The following PPP2R2B variants were observed in gnomAD, a reference collection of about 807,000 sequenced individuals.
PPP2R2B encodes serine/threonine-protein phosphatase 2A 55 kDa regulatory subunit B beta isoform.
A neutral mutation model predicts 46.0 loss-of-function variants in PPP2R2B; 5 were observed. The observed-to-expected ratio is 0.11, with a 90% confidence interval of 0.06 to 0.23. PPP2R2B has a LOEUF of 0.23. PPP2R2B is among the 10% of genes least tolerant of loss of function. The pLI, the probability that PPP2R2B is intolerant of heterozygous loss-of-function variation, is 1.00. For synonymous variants in PPP2R2B, 215 were observed against 206.7 expected, an observed-to-expected ratio of 1.04 and a Z score of -0.34; for missense variants, 367 against 575.0, an observed-to-expected ratio of 0.64 and a Z score of 3.70.
chr5:146,620,435 A>T (rs534678957), intron 7 of PPP2R2B, among the ~76,000 whole-genome samples: 1 of 152,318 alleles, frequency 6.6e-6, no homozygotes, highest in East Asian at 1.9e-4. Flanking sequence ...AGGCAGCCGT[A>T]AGGGAGGCGG....
intron 1 of PPP2R2B, among the ~76,000 whole-genome samples, chr5:147,027,133 T>G (rs979840162): frequency 3.3e-5 from 5 of 152,154 alleles, no homozygotes; most frequent in African/African-American, 1.2e-4. Flanking sequence ...TGCAATAACA[T>G]GGATGAATCA....
chr5:147,025,235 C>A (rs1336976908), intron 1 of PPP2R2B, among the ~76,000 whole-genome samples: 2 of 151,928 alleles, frequency 1.3e-5, no homozygotes, highest in East Asian at 1.9e-4. Context: ...TGTAAAGAAT[C>A]TGAAAATTCC....
intron 2 of PPP2R2B, among the ~76,000 whole-genome samples, chr5:146,744,113 A>G (rs139971139): frequency 2.0e-5 from 3 of 152,260 alleles, no homozygotes; most frequent in Non-Finnish European, 4.4e-5. Context: ...TTTAAAGTAC[A>G]TAGATGCTTG....
chr5:146,764,460 G>A (rs115794361), intron 2 of PPP2R2B, among the ~76,000 whole-genome samples: 157 of 152,234 alleles, frequency 1.0e-3, no homozygotes, highest in Non-Finnish European at 1.9e-3. Flanking sequence ...TCTTCTGGAT[G>A]GCTCAAGTCA....
chr5:146,798,314 A>C (rs1756665140), intron 2 of PPP2R2B, among the ~76,000 whole-genome samples: 1 of 152,146 alleles, frequency 6.6e-6, no homozygotes, highest in Non-Finnish European at 1.5e-5. Flanking sequence ...AGCCTGCCTT[A>C]ACCCTGACTT....
chr5:146,843,423 T>C (rs998562096), intron 2 of PPP2R2B, among the ~76,000 whole-genome samples: 1 of 152,012 alleles, frequency 6.6e-6, no homozygotes, highest in Non-Finnish European at 1.5e-5. Context: ...AGTGATAGAG[T>C]AGATAAGGTT....
intron 1 of PPP2R2B, among the ~76,000 whole-genome samples, chr5:147,040,212 A>G (rs891432764): frequency 1.3e-5 from 2 of 152,106 alleles, no homozygotes; most frequent in Non-Finnish European, 2.9e-5. Flanking sequence ...CTATGCTATG[A>G]CCTGATAATG....
chr5:146,812,059 A>G (rs1757585997), intron 2 of PPP2R2B, among the ~76,000 whole-genome samples: 1 of 152,066 alleles, frequency 6.6e-6, no homozygotes, highest in Non-Finnish European at 1.5e-5. Context: ...GGCATGCTAC[A>G]GGGAACTGGG....
chr5:146,799,580 G>T (rs1464750735), intron 2 of PPP2R2B, among the ~76,000 whole-genome samples: 1 of 152,190 alleles, frequency 6.6e-6, no homozygotes, highest in Non-Finnish European at 1.5e-5. Flanking sequence ...TGGGTTAAAA[G>T]TGCTGCAACC....
chr5:146,835,092 T>C (rs1212507072), intron 2 of PPP2R2B, among the ~76,000 whole-genome samples: 1 of 152,110 alleles, frequency 6.6e-6, no homozygotes, highest in Non-Finnish European at 1.5e-5. Flanking sequence ...AACAAACAGG[T>C]GCATGGATTG....
At chr5:147,068,534 T>A (rs1312270849) in intron 2 of PPP2R2B, among the ~76,000 whole-genome samples, 3 of 152,334 alleles carry the variant, frequency 2.0e-5, no homozygotes, top group African/African-American at 7.2e-5. Flanking sequence ...TTGTTATTTA[T>A]TTTTTCTGTT....
chr5:146,797,982 G>T (rs969131307), intron 2 of PPP2R2B, among the ~76,000 whole-genome samples: 3 of 152,134 alleles, frequency 2.0e-5, no homozygotes, highest in Admixed American at 6.6e-5. Context: ...CTGAGAAATA[G>T]ACAAACAAAC....
At chr5:146,819,846 C>A (rs1434384226) in intron 2 of PPP2R2B, among the ~76,000 whole-genome samples, 2 of 151,986 alleles carry the variant, frequency 1.3e-5, no homozygotes, top group East Asian at 3.9e-4. Context: ...TTCACAATAG[C>A]CAAGATAAGA....
intron 2 of PPP2R2B, among the ~76,000 whole-genome samples, chr5:146,749,397 G>A (rs1188087831): frequency 6.6e-6 from 1 of 152,068 alleles, no homozygotes; most frequent in African/African-American, 2.4e-5. Context: ...TAATTGTGAT[G>A]AGGTTCAATT....
At chr5:146,961,546 CT>C (rs1395555324) in intron 1 of PPP2R2B, among the ~76,000 whole-genome samples, 1 of 152,174 alleles carries the variant, frequency 6.6e-6, no homozygotes, top group Non-Finnish European at 1.5e-5. Context: ...CCTTTAATTA[CT>C]AGGAAGCTTG....
intron 1 of PPP2R2B, among the ~76,000 whole-genome samples, chr5:146,933,489 G>GA (rs879620426): frequency 2.6e-5 from 4 of 151,658 alleles, no homozygotes; most frequent in Admixed American, 6.6e-5. Flanking sequence ...TGATTCTTGA[G>GA]AAAAAAACAA....
intron 2 of PPP2R2B, among the ~76,000 whole-genome samples, chr5:146,785,058 A>G (rs992210458): frequency 3.3e-5 from 5 of 152,254 alleles, no homozygotes; most frequent in African/African-American, 1.2e-4. Context: ...CAATAAATAA[A>G]AAGTAAATTG....
rs1751703710 is a variant in PPP2R2B, at chr5:146,724,238, T to G, written c.71-23096A>C. On this transcript the variant is annotated intron_variant, in intron 2 of 9. Transcript: ENST00000394411. ...TTCAAATCCAGGTTTTGCAACTCACTGGCTCTGTGATCCAGTGTATTCGAT... is the reference window on the plus strand; with the variant it reads ...TTCAAATCCAGGTTTTGCAACTCACGGGCTCTGTGATCCAGTGTATTCGAT... Among the ~76,000 whole-genome samples, 5 of 152,122 alleles carry G rather than the reference T, an allele frequency of 3.3e-5. No individual in the cohort carries two copies. In the South Asian group the frequency reaches 1.0e-3, roughly 31 times the overall value.
At chr5:147,051,526 T>C (rs1450580148) in intron 1 of PPP2R2B, among the ~76,000 whole-genome samples, 1 of 152,028 alleles carries the variant, frequency 6.6e-6, no homozygotes, top group African/African-American at 2.4e-5. Flanking sequence ...TTTTCAAGCA[T>C]GGGTAGAGAA....
Sources: allele counts gnomAD v4.1 joint callset (sites outside exome capture counted in the v4.1 genomes callset), GRCh38; gene constraint gnomAD v4.1.1; transcripts MANE v1.5; gene names NCBI Gene and HGNC (gene_info 2026-07-23, HGNC 2026-07-21).